RNF121: variants seen among roughly 807,000 people sequenced by gnomAD.
The protein encoded by RNF121 is ring finger protein 121, also known as E3 ubiquitin ligase RNF121.
In RNF121, 21 loss-of-function variants were observed where a neutral mutation model predicts 46.5. The ratio of observed to expected loss-of-function variants is 0.45; its 90% CI spans 0.32 to 0.65. The LOEUF is 0.65. Ranked by LOEUF, RNF121 falls within the 30% of genes least tolerant of loss-of-function variation. RNF121 has a pLI of 0.04. For synonymous variants in RNF121, 139 were observed against 144.7 expected (o/e 0.96, Z 0.28); for missense variants, 346 against 416.0 (o/e 0.83, Z 1.46).
intron 1 of RNF121, among the ~76,000 whole-genome samples, chr11:71,938,306 G>A (rs7106730): frequency 0.94 from 135,353 of 144,120 alleles, 63,756 homozygotes; most frequent in Non-Finnish European, 0.98. Flanking sequence ...TACGTGTGTA[G>A]TCTCTTAATT....
intron 1 of RNF121, among the ~76,000 whole-genome samples, chr11:71,937,767 G>C (rs1182198384): frequency 6.6e-6 from 1 of 152,160 alleles, no homozygotes; most frequent in Non-Finnish European, 1.5e-5. Flanking sequence ...GAATGCCTCT[G>C]GGGGATGTAG....
At chr11:71,931,319 G>T (rs1409505802) in intron 1 of RNF121, among the ~76,000 whole-genome samples, 2 of 152,174 alleles carry the variant, frequency 1.3e-5, no homozygotes, top group Non-Finnish European at 2.9e-5. Flanking sequence ...CATTTCCTGA[G>T]AAAAGGTATA....
At chr11:71,975,869 T>TCAGG (rs904322461) in intron 3 of RNF121, among the ~76,000 whole-genome samples, 1 of 152,198 alleles carries the variant, frequency 6.6e-6, no homozygotes, top group African/African-American at 2.4e-5. Context: ...GGCAGATTTT[T>TCAGG]CAGGTCAGCA....
chr11:71,960,674 G>A (rs1954108647), intron 2 of RNF121, 76 bp from the exon 3 acceptor site: 1 of 1,531,706 alleles, frequency 6.5e-7, no homozygotes, highest in Admixed American at 1.8e-5. Flanking sequence ...GTACTGGTGG[G>A]ATATCCCTGG....
chr11:71,974,715 T>C (rs1954491568), intron 3 of RNF121, among the ~76,000 whole-genome samples: 1 of 152,218 alleles, frequency 6.6e-6, no homozygotes, highest in Non-Finnish European at 1.5e-5. Flanking sequence ...TTTAACGACT[T>C]TTGCCCAAGT....
intron 2 of RNF121, among the ~76,000 whole-genome samples, chr11:71,958,416 A>C: frequency 6.6e-6 from 1 of 152,136 alleles, no homozygotes; most frequent in Non-Finnish European, 1.5e-5. Flanking sequence ...GTTGTTATGG[A>C]GTATCGGATT....
rs1409369599 is a variant in RNF121 at position 71,932,354 on chromosome 11, T to G, written c.63+3230T>G. 2.0e-5 allele frequency among the ~76,000 whole-genome samples: 3 copies of G among 152,228 alleles called. No individual in the cohort carries two copies. In the East Asian group the frequency reaches 5.8e-4, roughly 29 times the overall value. ...AGAGGCTAAAGAACTTTCCTAGGATTCCACAGTTTGTGAATGGGGAAGTAC... is the reference window on the plus strand; with the variant it reads ...AGAGGCTAAAGAACTTTCCTAGGATGCCACAGTTTGTGAATGGGGAAGTAC... On this transcript the variant is annotated intron_variant, in intron 1 of 8. Coordinates refer to ENST00000361756, the MANE Select transcript of RNF121 (RefSeq NM_018320.5).
chr11:71,984,097 T>G (rs1954716906), intron 4 of RNF121, among the ~76,000 whole-genome samples: 1 of 152,208 alleles, frequency 6.6e-6, no homozygotes, highest in African/African-American at 2.4e-5. Flanking sequence ...TTCTGAGCCT[T>G]GAAGTCTTCA....
intron 1 of RNF121, among the ~76,000 whole-genome samples, chr11:71,937,402 T>C (rs1006788543): frequency 1.3e-5 from 2 of 152,162 alleles, no homozygotes; most frequent in African/African-American, 2.4e-5. Flanking sequence ...AACCTCCGCC[T>C]CCTGGGTTCA....
intron 1 of RNF121, among the ~76,000 whole-genome samples, chr11:71,949,583 G>A (rs951718354): frequency 6.6e-6 from 1 of 152,166 alleles, no homozygotes; most frequent in Non-Finnish European, 1.5e-5. Context: ...GGGTGTGGTG[G>A]TGCGTGTCTA....
chr11:71,955,339 G>A (rs1953968618), intron 1 of RNF121, among the ~76,000 whole-genome samples: 1 of 152,154 alleles, frequency 6.6e-6, no homozygotes, highest in Non-Finnish European at 1.5e-5. Flanking sequence ...TCACCTGGAG[G>A]TCTTATTAAA....
At chr11:71,948,606 C>T (rs1953785330) in intron 1 of RNF121, among the ~76,000 whole-genome samples, 1 of 149,704 alleles carries the variant, frequency 6.7e-6, no homozygotes, top group South Asian at 2.1e-4. Flanking sequence ...GGGCAGGCAG[C>T]AGCTGTAGCA....
In RNF121 at chr11:71,940,023, G is replaced by A. The variant is rs188666215; in HGVS notation, c.63+10899G>A. ...GAGCATTAAAGAAGACTTCCGATAG[G>A]GTATGGCATTTAGGCTGATTCTTAA... On this transcript the variant is annotated intron_variant, in intron 1 of 8. Coordinates refer to ENST00000361756, the MANE Select transcript of RNF121 (RefSeq NM_018320.5). Among the ~76,000 whole-genome samples, 3 of 152,258 alleles carry A rather than the reference G, an allele frequency of 2.0e-5. No individual in the cohort carries two copies. The East Asian group carries it at 5.8e-4, about 29-fold the overall frequency.
rs146526952 is a variant in RNF121 at position 71,981,639 on chromosome 11, A to G, written c.244-1122A>G. Among the ~76,000 whole-genome samples, 3 of 152,304 alleles carry G rather than the reference A, an allele frequency of 2.0e-5. No homozygotes were observed. The East Asian group carries it at 5.8e-4, about 29-fold the overall frequency. On this transcript the variant is annotated intron_variant, in intron 3 of 8. Coordinates refer to ENST00000361756, the MANE Select transcript of RNF121 (RefSeq NM_018320.5). ...TCTGTCTTAGAGTTAGAATTGTTTT[A>G]TGCCTTTAAAAAACTTCAGCTAACA...
chr11:71,985,543 G>A (rs1954756265), intron 4 of RNF121, among the ~76,000 whole-genome samples: 1 of 152,134 alleles, frequency 6.6e-6, no homozygotes, highest in Non-Finnish European at 1.5e-5. Flanking sequence ...AACACTAGAA[G>A]GAAGATATTT....
At chr11:71,976,699 G>T (rs1056343843) in intron 3 of RNF121, among the ~76,000 whole-genome samples, 1 of 152,122 alleles carries the variant, frequency 6.6e-6, no homozygotes, top group Non-Finnish European at 1.5e-5. Flanking sequence ...TGTCTTGGCT[G>T]TGTTGGCAGC....
rs145985196 is a variant in RNF121, at chr11:71,943,608, T to A, written c.64-13619T>A. ...TGAAAGATAACAAAGACATAGGCCTTGCTCTCAGGTTGCTCATGGTGTAGT... is the reference window on the plus strand; with the variant it reads ...TGAAAGATAACAAAGACATAGGCCTAGCTCTCAGGTTGCTCATGGTGTAGT... On this transcript the variant is annotated intron_variant, in intron 1 of 8. Transcript: ENST00000361756. 2.6e-5 allele frequency among the ~76,000 whole-genome samples: 4 copies of A among 152,358 alleles called. No homozygotes were observed. The East Asian group carries it at 5.8e-4, about 22-fold the overall frequency.
chr11:71,976,145 AGTT>A (rs1230102353), intron 3 of RNF121, among the ~76,000 whole-genome samples: 1 of 151,894 alleles, frequency 6.6e-6, no homozygotes, highest in Non-Finnish European at 1.5e-5. Context: ...TGGTGTCTTC[AGTT>A]GTTCCTTATG....
chr11:71,970,322 A>G (rs1261519343), intron 3 of RNF121, among the ~76,000 whole-genome samples: 2 of 152,306 alleles, frequency 1.3e-5, no homozygotes, highest in East Asian at 3.9e-4. Context: ...TGAACTGTAT[A>G]CTCAAAGATG....
Sources: allele counts gnomAD v4.1 joint callset (sites outside exome capture counted in the v4.1 genomes callset), GRCh38; gene constraint gnomAD v4.1.1; transcripts MANE v1.5; gene names NCBI Gene and HGNC (gene_info 2026-07-23, HGNC 2026-07-21).